CCDC7: variants seen among roughly 807,000 people sequenced by gnomAD.
CCDC7 encodes coiled-coil domain-containing protein 7.
CCDC7 carries 183 observed loss-of-function variants against 196.9 expected under a neutral mutation model. The observed-to-expected ratio is 0.93, with a 90% CI of 0.82 to 1.05. CCDC7 has a LOEUF of 1.05. Among genes scored for constraint, CCDC7 ranks in the 50% least tolerant of loss-of-function variants. CCDC7 has a pLI of 0.00. For missense variants in CCDC7, 1,540 were observed against 1,482.2 expected, an observed-to-expected ratio of 1.04 and a Z score of -0.64; for synonymous variants, 525 against 484.6, an observed-to-expected ratio of 1.08 and a Z score of -1.10.
intron 30 of CCDC7, among the ~76,000 whole-genome samples, chr10:32,814,143 A>C (rs1367477838): frequency 6.6e-6 from 1 of 152,028 alleles, no homozygotes; most frequent in Non-Finnish European, 1.5e-5. Flanking sequence ...TTTTTAGTAG[A>C]GACGGGGTTT....
At chr10:32,515,649 T>G (rs1175472238) in intron 9 of CCDC7, among the ~76,000 whole-genome samples, 1 of 152,108 alleles carries the variant, frequency 6.6e-6, no homozygotes, top group Non-Finnish European at 1.5e-5. Flanking sequence ...GTTCACGCCA[T>G]TCTTCTGCCT....
chr10:32,694,329 G>A (rs1306803698), intron 23 of CCDC7, among the ~76,000 whole-genome samples: 1 of 152,096 alleles, frequency 6.6e-6, no homozygotes, highest in Non-Finnish European at 1.5e-5. Context: ...TTAGAAGTTT[G>A]TGATGTTTTT....
intron 20 of CCDC7, among the ~76,000 whole-genome samples, chr10:32,638,211 A>G (rs1021272773): frequency 2.6e-5 from 4 of 152,152 alleles, no homozygotes; most frequent in Non-Finnish European, 5.9e-5. Flanking sequence ...TTCTAATTCA[A>G]TACCCTTTAT....
At chr10:32,452,715 C>A (rs2033393883) in intron 1 of CCDC7, among the ~76,000 whole-genome samples, 1 of 152,148 alleles carries the variant, frequency 6.6e-6, no homozygotes, top group African/African-American at 2.4e-5. Context: ...GCCTTGGCCT[C>A]CCAAAGTGCT....
At chr10:32,582,961 T>C (rs2058886152) in intron 16 of CCDC7, 73 bp from the exon 18 acceptor site, 2 of 872,018 alleles carry the variant, frequency 2.3e-6, no homozygotes, top group African/African-American at 3.5e-5. Context: ...TTATATATTA[T>C]TAAAATGATT....
At chr10:32,545,415 C>A (rs184921581) in intron 13 of CCDC7, among the ~76,000 whole-genome samples, 1 of 152,200 alleles carries the variant, frequency 6.6e-6, no homozygotes, top group Non-Finnish European at 1.5e-5. Context: ...ACCCAGTTCA[C>A]GCTACTGTTT....
At chr10:32,748,792 C>T (rs918925469) in intron 28 of CCDC7, among the ~76,000 whole-genome samples, 1 of 152,036 alleles carries the variant, frequency 6.6e-6, no homozygotes, top group Non-Finnish European at 1.5e-5. Context: ...AAACCCTAGT[C>T]GGTTTGGCTC....
At chr10:32,625,953 C>T (rs952150741) in intron 18 of CCDC7, among the ~76,000 whole-genome samples, 1 of 152,064 alleles carries the variant, frequency 6.6e-6, no homozygotes, top group Non-Finnish European at 1.5e-5. Flanking sequence ...ACTACATTTT[C>T]TTTATCCATT....
intron 32 of CCDC7, among the ~76,000 whole-genome samples, chr10:32,829,535 T>C (rs1333022545): frequency 2.0e-5 from 3 of 152,236 alleles, no homozygotes; most frequent in Non-Finnish European, 4.4e-5. Context: ...CATTTAAGTA[T>C]TGTTAACTTT....
chr10:32,858,825 C>T (rs1023053707), intron 41 of CCDC7, among the ~76,000 whole-genome samples: 3 of 151,938 alleles, frequency 2.0e-5, no homozygotes, highest in Admixed American at 6.6e-5. Flanking sequence ...GAGACAAGGG[C>T]ATTACATAAT....
intron 13 of CCDC7, among the ~76,000 whole-genome samples, chr10:32,548,835 C>A (rs544790235): frequency 2.0e-5 from 3 of 152,288 alleles, no homozygotes; most frequent in South Asian, 4.1e-4. Flanking sequence ...GGGTTGGTTC[C>A]ATGATTTTGC....
chr10:32,807,696 C>T (rs1380365992), intron 30 of CCDC7, among the ~76,000 whole-genome samples: 1 of 151,862 alleles, frequency 6.6e-6, no homozygotes, highest in African/African-American at 2.4e-5. Context: ...CAATCCTAGC[C>T]ATGGGAGAGC....
intron 20 of CCDC7, among the ~76,000 whole-genome samples, chr10:32,657,028 T>C (rs1196513354): frequency 3.9e-5 from 6 of 152,242 alleles, no homozygotes; most frequent in African/African-American, 1.4e-4. Context: ...AAAATGATCT[T>C]CTTTGACTTC....
At chr10:32,819,650 A>G (rs1470836063) in intron 31 of CCDC7, among the ~76,000 whole-genome samples, 2 of 152,196 alleles carry the variant, frequency 1.3e-5, no homozygotes, top group Non-Finnish European at 2.9e-5. Context: ...TGGGATGCAA[A>G]GCTGGTTCAA....
downstream of CCDC7, among the ~76,000 whole-genome samples, chr10:32,879,040 C>T (rs2094691510): frequency 1.3e-5 from 2 of 151,754 alleles, no homozygotes; most frequent in South Asian, 2.1e-4. Context: ...CCATTCTTTA[C>T]TTGTCACTAT....
intron 18 of CCDC7, among the ~76,000 whole-genome samples, chr10:32,586,244 G>A (rs1317661873): frequency 6.6e-6 from 1 of 152,074 alleles, no homozygotes. Flanking sequence ...TTGTAAATTC[G>A]TTTAAGTTTC....
intron 30 of CCDC7, among the ~76,000 whole-genome samples, chr10:32,807,514 A>G (rs1266079214): frequency 6.6e-6 from 1 of 152,122 alleles, no homozygotes; most frequent in Non-Finnish European, 1.5e-5. Flanking sequence ...TAGATCGTCT[A>G]ATCAGGAACA....
At chr10:32,485,045 A>G (rs1032065213) in intron 8 of CCDC7, among the ~76,000 whole-genome samples, 7 of 152,130 alleles carry the variant, frequency 4.6e-5, no homozygotes, top group South Asian at 2.1e-4. Context: ...GTCTTTTTCT[A>G]TTGATTGGAA....
chr10:32,532,873 G>C (rs2049895488), intron 11 of CCDC7, among the ~76,000 whole-genome samples: 1 of 151,870 alleles, frequency 6.6e-6, no homozygotes, highest in South Asian at 2.1e-4. Context: ...AGGGTTTCTT[G>C]GGAGCAGCGT....
Sources: allele counts gnomAD v4.1 joint callset (sites outside exome capture counted in the v4.1 genomes callset), GRCh38; gene constraint gnomAD v4.1.1; transcripts MANE v1.5; gene names NCBI Gene and HGNC (gene_info 2026-07-23, HGNC 2026-07-21).